The following FSHR variants were observed in gnomAD, a reference collection of about 807,000 sequenced individuals.
The protein encoded by FSHR is follicle stimulating hormone receptor, also known as follicle-stimulating hormone receptor.
FSHR carries 46 observed loss-of-function variants against 52.1 expected under a neutral mutation model. The observed-to-expected ratio is 0.88, with a 90% CI of 0.70 to 1.13. The LOEUF is 1.13. Ranked by LOEUF, FSHR falls within the 50% of genes most tolerant of loss-of-function variation. FSHR has a pLI of 0.00. For synonymous variants in FSHR, 399 were observed against 309.6 expected, an observed-to-expected ratio of 1.29 and a Z score of -3.03; for missense variants, 964 against 834.6, an observed-to-expected ratio of 1.16 and a Z score of -1.91.
At chr2:48,965,759 T>C (rs573967996) in intron 9 of FSHR, among the ~76,000 whole-genome samples, 1 of 152,240 alleles carries the variant, frequency 6.6e-6, no homozygotes, top group Admixed American at 6.5e-5. Context: ...ATTGTGCTTC[T>C]CTTTTTCTGA....
intron 1 of FSHR, among the ~76,000 whole-genome samples, chr2:49,132,669 A>G (rs1349693019): frequency 2.0e-5 from 3 of 152,136 alleles, no homozygotes; most frequent in Admixed American, 6.6e-5. Flanking sequence ...TGGCTTGCCC[A>G]ACTGTTCTCT....
At chr2:49,116,961 G>A (rs1671621716) in intron 1 of FSHR, among the ~76,000 whole-genome samples, 1 of 152,188 alleles carries the variant, frequency 6.6e-6, no homozygotes, top group Non-Finnish European at 1.5e-5. Flanking sequence ...TTTCAATCCA[G>A]CTAGCTCTAA....
chr2:49,109,068 G>C (rs894015369), intron 1 of FSHR, among the ~76,000 whole-genome samples: 1 of 152,074 alleles, frequency 6.6e-6, no homozygotes, highest in Non-Finnish European at 1.5e-5. Context: ...CTGGGATTCT[G>C]GGAATGAGAC....
At chr2:48,998,368 G>C (rs1676117111) in intron 4 of FSHR, among the ~76,000 whole-genome samples, 1 of 152,062 alleles carries the variant, frequency 6.6e-6, no homozygotes, top group Non-Finnish European at 1.5e-5. Context: ...TGAAAGTGAT[G>C]TATGTCATTA....
chr2:48,968,113 G>C (rs1354711649), intron 9 of FSHR, among the ~76,000 whole-genome samples: 1 of 152,160 alleles, frequency 6.6e-6, no homozygotes, highest in Non-Finnish European at 1.5e-5. Context: ...ACTTGTCTCT[G>C]TTTAGATGGC....
At chr2:49,012,454 G>A (rs1030285820) in intron 4 of FSHR, among the ~76,000 whole-genome samples, 1 of 151,988 alleles carries the variant, frequency 6.6e-6, no homozygotes, top group Non-Finnish European at 1.5e-5. Context: ...GAAGCATGAA[G>A]GCATTGATGA....
intron 1 of FSHR, among the ~76,000 whole-genome samples, chr2:49,110,763 C>T (rs1572757725): frequency 6.6e-6 from 1 of 152,128 alleles, no homozygotes; most frequent in South Asian, 2.1e-4. Context: ...GGAATAGCTG[C>T]CCAGCCAAGG....
chr2:49,053,949 A>G (rs1473138115), intron 2 of FSHR, among the ~76,000 whole-genome samples: 2 of 152,230 alleles, frequency 1.3e-5, no homozygotes, highest in Non-Finnish European at 2.9e-5. Flanking sequence ...TAGGGAGATT[A>G]GTATTAGAGA....
intron 5 of FSHR, among the ~76,000 whole-genome samples, chr2:48,990,089 G>A (rs1245970972): frequency 6.6e-6 from 1 of 152,068 alleles, no homozygotes; most frequent in African/African-American, 2.4e-5. Flanking sequence ...GCCATTATAT[G>A]CTACCTTTTC....
intron 1 of FSHR, among the ~76,000 whole-genome samples, chr2:49,127,519 T>TAC (rs72289679): frequency 0.15 from 21,992 of 147,026 alleles, 1,738 homozygotes; most frequent in Middle Eastern, 0.33. Context: ...ACCACCACAA[T>TAC]ACACACACAC....
At chr2:49,084,952 T>C (rs1670318539) in intron 1 of FSHR, among the ~76,000 whole-genome samples, 1 of 152,048 alleles carries the variant, frequency 6.6e-6, no homozygotes. Context: ...CTGAAACTAT[T>C]CCAATCAATA....
In FSHR at chr2:48,986,971, A is replaced by G. The variant is rs79036429; in HGVS notation, c.524+2006T>C. ...TATAAAAAAATTGAATAAGTTTGCCATATTATAACATTCATTTAAGTCTAT... is the reference window on the plus strand; with the variant it reads ...TATAAAAAAATTGAATAAGTTTGCCGTATTATAACATTCATTTAAGTCTAT... On this transcript the variant is annotated intron_variant, in intron 6 of 9. Transcript: ENST00000406846. Among the ~76,000 whole-genome samples the G allele has an allele frequency of 9.2e-5, 14 of 152,348 alleles. No homozygotes were observed. In the East Asian group the frequency reaches 2.5e-3, roughly 27 times the overall value.
intron 1 of FSHR, among the ~76,000 whole-genome samples, chr2:49,084,764 G>C: frequency 6.6e-6 from 1 of 152,074 alleles, no homozygotes; most frequent in East Asian, 1.9e-4. Context: ...ATAAATTTCT[G>C]GACACATACA....
chr2:49,017,311 T>C (rs1016014805), intron 4 of FSHR, among the ~76,000 whole-genome samples, 178 bp downstream of exon 4: 4 of 152,196 alleles, frequency 2.6e-5, no homozygotes, highest in African/African-American at 9.7e-5. Context: ...ATTATGTTAG[T>C]AGAATTTGCT....
intron 1 of FSHR, among the ~76,000 whole-genome samples, chr2:49,111,332 C>T (rs1375126682): frequency 6.6e-6 from 1 of 152,156 alleles, no homozygotes; most frequent in East Asian, 1.9e-4. Flanking sequence ...TTTTAATCCA[C>T]TGTCCATTCT....
At chr2:49,024,364 C>T (rs1667846513) in intron 2 of FSHR, among the ~76,000 whole-genome samples, 2 of 152,128 alleles carry the variant, frequency 1.3e-5, no homozygotes, top group South Asian at 4.2e-4. Flanking sequence ...CACCTGAGGT[C>T]AGGAGTTTGA....
chr2:49,072,207 A>G (rs1669763146), intron 1 of FSHR, among the ~76,000 whole-genome samples: 1 of 152,100 alleles, frequency 6.6e-6, no homozygotes, highest in Admixed American at 6.6e-5. Flanking sequence ...TGGAAAGAAC[A>G]AAACCAAAAG....
chr2:49,090,359 A>G (rs1350731601), intron 1 of FSHR, among the ~76,000 whole-genome samples: 2 of 152,172 alleles, frequency 1.3e-5, no homozygotes, highest in Non-Finnish European at 2.9e-5. Flanking sequence ...TGTCATATAA[A>G]TGCTATCATA....
Position 49,107,201 on chromosome 2 carries a change from A to G in FSHR, c.153-38911T>C, listed in dbSNP as rs1185829128. Among the ~76,000 whole-genome samples the G allele has an allele frequency of 5.3e-5, 8 of 151,976 alleles. No homozygotes were observed. The South Asian group carries it at 1.0e-3, about 20-fold the overall frequency. On this transcript the variant is annotated intron_variant, in intron 1 of 9. Coordinates refer to ENST00000406846, the MANE Select transcript of FSHR (RefSeq NM_000145.4). ...CTACTTGCTGTTTCTTGATTGCACT[A>G]TTTTATTCTTAGTTCCACTTTTTTT... is the stretch of plus-strand genomic sequence containing the variant.
Sources: gnomAD v4.1 joint callset for allele counts (sites outside exome capture counted in the v4.1 genomes callset) on GRCh38, gnomAD v4.1.1 for gene constraint, MANE v1.5 for transcripts, NCBI Gene and HGNC (gene_info 2026-07-23, HGNC 2026-07-21) for gene names.